Variants in TOP6BL observed in about 807,000 individuals in gnomAD.
The protein encoded by TOP6BL is TOP6B like initiator of meiotic double strand breaks, also known as type 2 DNA topoisomerase 6 subunit B-like.
the TOP6BL span, chr11:66,801,090 A>G: frequency 8.1e-6 from 13 of 1,613,626 alleles, no homozygotes; most frequent in Non-Finnish European, 1.1e-5. Context: ...GTCGACTCCC[A>G]GCATTATGTG....
the TOP6BL span, chr11:66,762,301 G>T: frequency 7.1e-6 from 3 of 424,826 alleles, no homozygotes; most frequent in East Asian, 5.4e-5. Flanking sequence ...CGGGGCGCCG[G>T]CCAGGAGCTG....
chr11:66,828,178 C>T, the TOP6BL span: 14,088 of 831,384 alleles, frequency 0.017, 158 homozygotes, highest in Non-Finnish European at 0.023. Flanking sequence ...TCTGCCTCCT[C>T]ATCTCCCTGT....
chr11:66,806,828 T>C, the TOP6BL span, among the ~76,000 whole-genome samples: 3 of 152,204 alleles, frequency 2.0e-5, no homozygotes, highest in Non-Finnish European at 4.4e-5. Context: ...GCATATCAGA[T>C]ATCAAAAGAT....
the TOP6BL span, among the ~76,000 whole-genome samples, chr11:66,825,841 CT>C: frequency 3.1e-3 from 447 of 142,688 alleles, 1 homozygote; most frequent in Non-Finnish European, 2.0e-3. Flanking sequence ...ATATTTGTTG[CT>C]TTTTTTTTTT....
At chr11:66,836,240 G>A in the TOP6BL span, among the ~76,000 whole-genome samples, 10 of 151,968 alleles carry the variant, frequency 6.6e-5, no homozygotes, top group Non-Finnish European at 1.5e-4. Context: ...TTGTTGAGAC[G>A]GAGTCTCACT....
chr11:66,756,070 T>C, the TOP6BL span, among the ~76,000 whole-genome samples: 1 of 152,216 alleles, frequency 6.6e-6, no homozygotes, highest in African/African-American at 2.4e-5. Context: ...GATTCATCTA[T>C]CAGAAGCCAA....
chr11:66,823,248 C>T, the TOP6BL span, among the ~76,000 whole-genome samples: 10 of 148,330 alleles, frequency 6.7e-5, no homozygotes, highest in South Asian at 6.4e-4. Context: ...GAGCCGAGAT[C>T]GCCCCATTGT....
At chr11:66,837,036 A>G in the TOP6BL span, among the ~76,000 whole-genome samples, 1 of 151,998 alleles carries the variant, frequency 6.6e-6, no homozygotes, top group Admixed American at 6.6e-5. Context: ...TAATTTGGGT[A>G]ACAGTACCTT....
chr11:66,802,380 C>G, the TOP6BL span, among the ~76,000 whole-genome samples: 1 of 152,138 alleles, frequency 6.6e-6, no homozygotes, highest in Non-Finnish European at 1.5e-5. Flanking sequence ...GTCTCAATCT[C>G]CTGACCTCGT....
the TOP6BL span, among the ~76,000 whole-genome samples, chr11:66,825,863 A>G: frequency 6.7e-6 from 1 of 149,336 alleles, no homozygotes; most frequent in African/African-American, 2.5e-5. Context: ...TTTCTCTGAG[A>G]CAGTGTCTCG....
chr11:66,756,596 T>A, the TOP6BL span: 1 of 957,500 alleles, frequency 1.0e-6, no homozygotes, highest in Non-Finnish European at 1.3e-6. Context: ...GATAAAATTC[T>A]ATCCTCCAGA....
chr11:66,829,573 A>AG, the TOP6BL span, among the ~76,000 whole-genome samples: 1 of 139,082 alleles, frequency 7.2e-6, no homozygotes, highest in Non-Finnish European at 1.6e-5. Context: ...ACTCTGTCCC[A>AG]GAAAAAAAAA....
the TOP6BL span, chr11:66,758,088 G>T: frequency 6.2e-6 from 6 of 966,106 alleles, no homozygotes; most frequent in Non-Finnish European, 7.4e-6. Flanking sequence ...ATGATTCTTA[G>T]ATTCTGAACT....
the TOP6BL span, among the ~76,000 whole-genome samples, chr11:66,795,134 CA>C: frequency 3.4e-3 from 500 of 147,716 alleles, 1 homozygote; most frequent in African/African-American, 0.011. Context: ...AACTCCATCT[CA>C]AAAAAAAATA....
At chr11:66,822,308 T>C in the TOP6BL span, among the ~76,000 whole-genome samples, 1 of 152,204 alleles carries the variant, frequency 6.6e-6, no homozygotes, top group Non-Finnish European at 1.5e-5. Flanking sequence ...TTCTTGATCA[T>C]TGTCCTATTG....
chr11:66,764,665 C>CA, the TOP6BL span, among the ~76,000 whole-genome samples: 33,667 of 128,918 alleles, frequency 0.26, 4,044 homozygotes, highest in Middle Eastern at 0.35. Context: ...ACTCCATCTC[C>CA]AAAAAAAAAA....
At chr11:66,842,934 C>G in the TOP6BL span, 2 of 1,558,920 alleles carry the variant, frequency 1.3e-6, no homozygotes, top group Admixed American at 3.8e-5. Context: ...CTGCCAGGGC[C>G]CCGAGCCCGT....
chr11:66,787,787 G>A, the TOP6BL span, among the ~76,000 whole-genome samples: 2 of 150,762 alleles, frequency 1.3e-5, no homozygotes, highest in Admixed American at 1.3e-4. Context: ...CTCTAAATTA[G>A]TTCATGTACT....
chr11:66,781,264 C>T, the TOP6BL span, among the ~76,000 whole-genome samples: 1 of 151,826 alleles, frequency 6.6e-6, no homozygotes, highest in East Asian at 1.9e-4. Flanking sequence ...TCTTTATTCT[C>T]CAGATTGGAT....
Sources: allele counts gnomAD v4.1 joint callset (sites outside exome capture counted in the v4.1 genomes callset), GRCh38; gene constraint gnomAD v4.1.1; transcripts MANE v1.5; gene names NCBI Gene and HGNC (gene_info 2026-07-23, HGNC 2026-07-21).